ECPAS: variants seen among roughly 807,000 people sequenced by gnomAD.
The protein encoded by ECPAS is proteasome adapter and scaffold protein ECM29.
Under a neutral mutation model 255.1 loss-of-function variants are expected in ECPAS, and 70 were observed. That is an observed-to-expected ratio of 0.27 (90% CI 0.23 to 0.33). The LOEUF is 0.33. Ranked by LOEUF, ECPAS falls within the 10% of genes least tolerant of loss-of-function variation. The pLI is 1.00. For missense variants in ECPAS, 1,817 were observed against 2,206.4 expected, an observed-to-expected ratio of 0.82 and a Z score of 3.54; for synonymous variants, 784 against 775.0, an observed-to-expected ratio of 1.01 and a Z score of -0.19.
chr9:111,461,297 C>CAA (rs796220521), intron 2 of ECPAS, among the ~76,000 whole-genome samples: 19 of 130,148 alleles, frequency 1.5e-4, no homozygotes, highest in African/African-American at 4.5e-4. Context: ...CCATCTCTAC[C>CAA]AAAAAAAAAA....
intron 36 of ECPAS, among the ~76,000 whole-genome samples, chr9:111,377,646 C>T (rs1053041040): frequency 6.6e-6 from 1 of 152,172 alleles, no homozygotes; most frequent in Non-Finnish European, 1.5e-5. Flanking sequence ...CATTCACGGT[C>T]TGATACTATT....
Position 111,442,386 on chromosome 9 carries a change from G to A in ECPAS, c.309C>T (p.Arg103=). ...TIIYVKMGYP[R]LPVEKQCELA... ...GTTCACATTGTTTTTCCACTGGTAG[G>A]CGAGGATAGCCCATTTTAACATAAA... The change falls in exon 5 of 50, where the codon CGC becomes CGT. Residue 103 remains arginine, a synonymous_variant. Coordinates refer to ENST00000684092, the MANE Select transcript of ECPAS (RefSeq NM_001364929.1). 3 of 1,612,178 alleles carry A rather than the reference G, an allele frequency of 1.9e-6. No individual in the cohort carries two copies. The highest frequency in any genetic ancestry group is 2.5e-6 in the Non-Finnish European group (3 of 1,178,910).
At position 111,437,067 on chromosome 9, in the gene ECPAS, G is replaced by A. The variant is rs2098239236; in HGVS notation, c.581C>T (p.Ser194Leu). ...ACTGTTTGAAGAAGAACCCTGTGCT[G>A]AAGATGAATTTTGGCGACTCTGGGA... ...NESQSRQNSS[S>L]AQGSSSNSGG... is the part of the protein sequence containing the mutation. Residue 194 changes from serine to leucine, a missense_variant, in exon 7 of 50, where the codon TCA becomes TTA. By Grantham distance (145) the Ser-to-Leu change is moderately radical. Around this residue, in one of 4 missense-constraint regions of ECPAS, gnomAD observed 573 missense variants for 716.2 expected, o/e 0.80. Coordinates refer to ENST00000684092, the MANE Select transcript of ECPAS (RefSeq NM_001364929.1). The A allele has an allele frequency of 1.2e-6, 2 of 1,610,180 alleles. No individual in the cohort carries two copies. Among genetic ancestry groups the A allele is most frequent in the Non-Finnish European group, 1.7e-6 (2 of 1,178,856 alleles).
chr9:111,444,311 G>A, intron 4 of ECPAS, 67 bp downstream of exon 4: 4 of 1,020,266 alleles, frequency 3.9e-6, no homozygotes, highest in Non-Finnish European at 1.5e-6. Context: ...ATATGTTGAT[G>A]ACATCTAATA....
At chr9:111,477,269 C>T (rs947692546) in intron 1 of ECPAS, among the ~76,000 whole-genome samples, 3 of 151,422 alleles carry the variant, frequency 2.0e-5, no homozygotes, top group Non-Finnish European at 4.4e-5. Context: ...TCCCAACACC[C>T]GGCTAATTTT....
intron 46 of ECPAS, among the ~76,000 whole-genome samples, chr9:111,367,197 G>C (rs993916182): frequency 1.3e-5 from 2 of 152,128 alleles, no homozygotes; most frequent in African/African-American, 4.8e-5. Context: ...CAACAACGAA[G>C]TTATTTTTAA....
chr9:111,419,293 C>T (rs915790555), intron 16 of ECPAS, among the ~76,000 whole-genome samples: 5 of 152,140 alleles, frequency 3.3e-5, no homozygotes, highest in African/African-American at 1.2e-4. Flanking sequence ...ATACAAGAAT[C>T]TCACTTAAGG....
rs996811396 is a variant in ECPAS at position 111,484,155 on chromosome 9, C to T, written c.-122G>A. 1 of 1,470,708 alleles carries T rather than the reference C, an allele frequency of 6.8e-7. No individual in the cohort carries two copies. The highest frequency in any genetic ancestry group is 3.0e-5 in the East Asian group (1 of 33,626). The allele number at this position is 1,470,708 out of a possible 1,614,324, so 91.1% of individuals were successfully genotyped here. A position where few individuals can be genotyped will look rare whatever the true frequency, so the allele number is the denominator to read the frequency against. ...GTCTCCATGCCGCGGACGCTGCGCT[C>T]GGCGCCGCGAGGTGAGGGCTGTAGA... On this transcript the variant is annotated 5_prime_UTR_variant, in exon 1 of 50. Coordinates refer to ENST00000684092, the MANE Select transcript of ECPAS (RefSeq NM_001364929.1).
chr9:111,389,530 T>C (rs775857025), intron 31 of ECPAS, 26 bp downstream of exon 31: 15 of 1,601,838 alleles, frequency 9.4e-6, no homozygotes, highest in Admixed American at 1.7e-5. Flanking sequence ...AGTGTTTTCC[T>C]AACACAGGGG....
chr9:111,376,556 T>C lies in ECPAS; in HGVS notation c.3955-15A>G. On this transcript the variant is annotated splice_polypyrimidine_tract_variant and intron_variant, in intron 36 of 49. Transcript: ENST00000684092. ...TCCATCGCAGCCTAAAGAAGAGAAA[T>C]TAAAGTCACCCGGCACATTCAATTA... The C allele has an allele frequency of 6.3e-7, 1 of 1,582,444 alleles. No homozygotes were observed.
At chr9:111,450,768 A>T (rs2098259251) in intron 3 of ECPAS, among the ~76,000 whole-genome samples, 1 of 152,150 alleles carries the variant, frequency 6.6e-6, no homozygotes, top group Admixed American at 6.5e-5. Context: ...TCTCCACAAA[A>T]AATTTAAACA....
At chr9:111,459,247 T>C (rs2098270462) in intron 2 of ECPAS, among the ~76,000 whole-genome samples, 1 of 152,016 alleles carries the variant, frequency 6.6e-6, no homozygotes, top group African/African-American at 2.4e-5. Flanking sequence ...CAAGAAGAAA[T>C]TATTATCTTT....
At chr9:111,408,534 C>A in intron 24 of ECPAS, 37 bp downstream of exon 24, 4 of 1,261,338 alleles carry the variant, frequency 3.2e-6, no homozygotes, top group Non-Finnish European at 4.3e-6. Flanking sequence ...AATGCCTTTT[C>A]TCTGAATAAC....
intron 2 of ECPAS, among the ~76,000 whole-genome samples, chr9:111,470,138 A>T (rs2098285246): frequency 6.6e-6 from 1 of 152,080 alleles, no homozygotes; most frequent in Non-Finnish European, 1.5e-5. Context: ...CTTTGCTAGT[A>T]ACTCTGCCCA....
At chr9:111,369,365 G>A (rs1364162698) in intron 45 of ECPAS, among the ~76,000 whole-genome samples, 192 bp from the exon 46 acceptor site, 1 of 152,004 alleles carries the variant, frequency 6.6e-6, no homozygotes, top group Admixed American at 6.6e-5. Context: ...ATAAATTTAG[G>A]CAATACTTTA....
intron 1 of ECPAS, among the ~76,000 whole-genome samples, chr9:111,479,280 C>A (rs983525230): frequency 6.6e-6 from 1 of 152,112 alleles, no homozygotes; most frequent in Non-Finnish European, 1.5e-5. Context: ...GTAATAAGTA[C>A]TTAATACCAC....
chr9:111,472,957 A>G lies in ECPAS; in HGVS notation c.-39T>C, dbSNP rs1426410207. 9 of 1,237,780 alleles carry G rather than the reference A, an allele frequency of 7.3e-6. No individual in the cohort carries two copies. The African/African-American group carries it at 1.4e-4, about 20-fold the overall frequency. The allele number at this position is 1,237,780 out of a possible 1,614,324, so 76.7% of individuals were successfully genotyped here. Reference sequence around the variant, plus strand: ...TTGACAAAAATCCTCGGGATCACCAATGGTACGTTCATCCACTCGTACATA... The same window carrying G: ...TTGACAAAAATCCTCGGGATCACCAGTGGTACGTTCATCCACTCGTACATA... On this transcript the variant is annotated 5_prime_UTR_variant, in exon 2 of 50. Coordinates refer to ENST00000684092, the MANE Select transcript of ECPAS (RefSeq NM_001364929.1).
At chr9:111,462,121 T>A (rs535884513) in intron 2 of ECPAS, among the ~76,000 whole-genome samples, 178 of 152,270 alleles carry the variant, frequency 1.2e-3, no homozygotes, top group African/African-American at 4.1e-3. Context: ...TAAATCTAAA[T>A]GTCAAAGGTA....
Position 111,484,098 on chromosome 9 carries a change from CGGGG to C in ECPAS, c.-83+14_-83+17del. 7.5e-7 allele frequency: 1 copy of C among 1,325,222 alleles called. No homozygotes were observed. The highest frequency in any genetic ancestry group is 9.6e-7 in the Non-Finnish European group (1 of 1,037,714). The allele number at this position is 1,325,222 out of a possible 1,614,324, so 82.1% of individuals were successfully genotyped here. A position where few individuals can be genotyped will look rare whatever the true frequency, so the allele number is the denominator to read the frequency against. ...CGCGCAGGGCCAGTCCCCCGCGGCC[CGGGG>C]GCGGGCCTCTGACCTGAGTCGGAGC... On this transcript the variant is annotated intron_variant, in intron 1 of 49. Coordinates refer to ENST00000684092, the MANE Select transcript of ECPAS (RefSeq NM_001364929.1).
Sources: allele counts gnomAD v4.1 joint callset (sites outside exome capture counted in the v4.1 genomes callset), GRCh38; gene constraint gnomAD v4.1.1; regional missense constraint gnomAD v4.1.1; transcripts MANE v1.5; gene names NCBI Gene and HGNC (gene_info 2026-07-23, HGNC 2026-07-21).